ST3GAL6: variants seen among roughly 807,000 people sequenced by gnomAD.
ST3GAL6 encodes ST3 beta-galactoside alpha-2,3-sialyltransferase 6, also known as type 2 lactosamine alpha-2,3-sialyltransferase.
A neutral mutation model predicts 40.5 loss-of-function variants in ST3GAL6; 31 were observed. The observed-to-expected ratio is 0.77, with a 90% CI of 0.58 to 1.03. The LOEUF (loss-of-function observed/expected upper bound fraction) is 1.03. Among genes scored for constraint, ST3GAL6 ranks in the 50% least tolerant of loss-of-function variants. ST3GAL6 has a pLI of 0.00. For synonymous variants in ST3GAL6, 129 were observed against 136.9 expected (o/e 0.94, Z 0.40); for missense variants, 357 against 393.2 (o/e 0.91, Z 0.78).
chr3:98,782,572 C>T, intron 5 of ST3GAL6: 2 of 531,214 alleles, frequency 3.8e-6, no homozygotes, highest in Non-Finnish European at 3.4e-6. Flanking sequence ...TTTACTGCCT[C>T]TCCTGCTTCC....
At chr3:98,742,886 G>A (rs868407237) in intron 1 of ST3GAL6, among the ~76,000 whole-genome samples, 5 of 151,282 alleles carry the variant, frequency 3.3e-5, no homozygotes, top group Middle Eastern at 3.2e-3. Context: ...TTTTAGTAGA[G>A]ACGGGGTTTG....
chr3:98,778,577 G>A (rs1264321491), intron 5 of ST3GAL6, among the ~76,000 whole-genome samples: 2 of 152,166 alleles, frequency 1.3e-5, no homozygotes, highest in Admixed American at 6.5e-5. Flanking sequence ...TTCTAGCATC[G>A]GCTGTGGTCA....
intron 3 of ST3GAL6, among the ~76,000 whole-genome samples, chr3:98,771,749 A>G (rs1032839498): frequency 1.3e-5 from 2 of 152,322 alleles, no homozygotes; most frequent in East Asian, 1.9e-4. Flanking sequence ...TTTTTCGTAT[A>G]TGATTCCAAG....
At chr3:98,741,365 G>A (rs986531412) in intron 1 of ST3GAL6, among the ~76,000 whole-genome samples, 2 of 152,062 alleles carry the variant, frequency 1.3e-5, no homozygotes, top group Non-Finnish European at 2.9e-5. Context: ...TTGAAGAACA[G>A]AATCCTAACA....
chr3:98,771,217 T>A (rs1383421242), intron 3 of ST3GAL6: 18 of 1,315,430 alleles, frequency 1.4e-5, no homozygotes, highest in Non-Finnish European at 1.8e-5. Context: ...CTATTTGTGT[T>A]TGATTATAAA....
chr3:98,785,402 C>G (rs1419035502), intron 6 of ST3GAL6, among the ~76,000 whole-genome samples: 1 of 152,122 alleles, frequency 6.6e-6, no homozygotes, highest in Non-Finnish European at 1.5e-5. Context: ...TGAATGGCTC[C>G]TTTGTAATGA....
chr3:98,795,492 A>C lies in ST3GAL6; in HGVS notation c.*1731A>C, dbSNP rs1941532681. ...TGCAAAAGGAAGGTACCAGAACTGG[A>C]ATCACATGTAATCAATCAGTGTGAT... On this transcript the variant is annotated 3_prime_UTR_variant, in exon 10 of 10. Transcript: ENST00000483910. The C allele has an allele frequency of 6.6e-6, 1 of 152,218 alleles. No individual in the cohort carries two copies. The highest frequency in any genetic ancestry group is 2.4e-5 in the African/African-American group (1 of 41,460). 9.4% of individuals were successfully genotyped at this position (152,218 alleles called of 1,614,324 possible). A position where few individuals can be genotyped will look rare whatever the true frequency, so the allele number is the denominator to read the frequency against.
intron 1 of ST3GAL6, among the ~76,000 whole-genome samples, chr3:98,767,064 A>G (rs1008533437): frequency 6.6e-6 from 1 of 152,212 alleles, no homozygotes; most frequent in East Asian, 1.9e-4. Context: ...TTCTCCTGAC[A>G]TAGTTTTCAT....
intron 5 of ST3GAL6, among the ~76,000 whole-genome samples, chr3:98,775,498 G>C (rs552146727): frequency 2.6e-4 from 39 of 150,392 alleles, no homozygotes; most frequent in African/African-American, 9.2e-4. Flanking sequence ...AAAGATAATT[G>C]TGAGTCCTTG....
intron 1 of ST3GAL6, among the ~76,000 whole-genome samples, chr3:98,743,775 T>G (rs892937057): frequency 6.6e-6 from 1 of 152,296 alleles, no homozygotes; most frequent in South Asian, 2.1e-4. Context: ...ATTAATTCTT[T>G]CCTGTTTCTC....
At chr3:98,792,022 A>G (rs749950270) in intron 9 of ST3GAL6, 29 bp downstream of exon 9, 57 of 1,556,676 alleles carry the variant, frequency 3.7e-5, no homozygotes, top group Non-Finnish European at 4.7e-5. Flanking sequence ...GGTAATATAC[A>G]TATGCTTTGG....
intron 1 of ST3GAL6, among the ~76,000 whole-genome samples, chr3:98,755,411 TAAAAG>T (rs1937346328): frequency 6.6e-6 from 1 of 152,192 alleles, no homozygotes; most frequent in Admixed American, 6.5e-5. Context: ...TGGGGAGGCT[TAAAAG>T]ATAAGAGTTA....
intron 5 of ST3GAL6, 147 bp downstream of exon 5, chr3:98,774,130 C>T (rs1939288681): frequency 3.3e-6 from 2 of 606,586 alleles, no homozygotes; most frequent in South Asian, 4.5e-5. Context: ...TAATTTGACA[C>T]TTAAATACCT....
At chr3:98,763,121 G>A (rs578089599), upstream of ST3GAL6, 14 of 985,416 alleles carry the variant, frequency 1.4e-5, no homozygotes, top group African/African-American at 2.3e-4. Context: ...TATGGAGATG[G>A]CTGGGTCTGT....
intron 8 of ST3GAL6, among the ~76,000 whole-genome samples, chr3:98,790,490 G>C (rs1174457470): frequency 6.6e-6 from 1 of 152,158 alleles, no homozygotes; most frequent in Non-Finnish European, 1.5e-5. Flanking sequence ...GAAGACTAGG[G>C]CTGTTGCAGG....
chr3:98,781,369 C>T (rs966141096), intron 5 of ST3GAL6, among the ~76,000 whole-genome samples: 3 of 151,882 alleles, frequency 2.0e-5, no homozygotes, highest in African/African-American at 7.3e-5. Context: ...AGGAGAAATA[C>T]CTAATGTAGA....
chr3:98,764,051 C>G (rs936645806), intron 1 of ST3GAL6, among the ~76,000 whole-genome samples: 4 of 152,082 alleles, frequency 2.6e-5, no homozygotes, highest in Non-Finnish European at 5.9e-5. Context: ...ATGGAGGAGA[C>G]AGGGAGGTGA....
intron 1 of ST3GAL6, chr3:98,733,458 G>A (rs1935236479): frequency 3.0e-6 from 3 of 991,072 alleles, no homozygotes; most frequent in Middle Eastern, 5.2e-4. Flanking sequence ...GGGTCTGTAC[G>A]CGAGGAGGGT....
chr3:98,743,188 G>T (rs1003154015), intron 1 of ST3GAL6, among the ~76,000 whole-genome samples: 2 of 151,140 alleles, frequency 1.3e-5, no homozygotes, highest in African/African-American at 4.9e-5. Context: ...TTGTGTGTGT[G>T]TGTGTATTTT....
Sources: gnomAD v4.1 joint callset for allele counts (sites outside exome capture counted in the v4.1 genomes callset) on GRCh38, gnomAD v4.1.1 for gene constraint, MANE v1.5 for transcripts, NCBI Gene and HGNC (gene_info 2026-07-23, HGNC 2026-07-21) for gene names.